The following TENM2 variants were observed in gnomAD, a reference collection of about 807,000 sequenced individuals.
TENM2 encodes the protein teneurin-2.
In TENM2, 52 loss-of-function variants were observed where a neutral mutation model predicts 245.2. That is an observed-to-expected ratio of 0.21 (90% CI 0.17 to 0.27). TENM2 has a LOEUF of 0.27. TENM2 is among the 10% of genes least tolerant of loss of function. TENM2 has a pLI of 1.00. For synonymous variants in TENM2, 1,363 were observed against 1,438.9 expected (o/e 0.95, Z 1.19); for missense variants, 3,046 against 3,666.8 (o/e 0.83, Z 4.37).
chr5:167,168,565 G>A, the TENM2 span, among the ~76,000 whole-genome samples: 7 of 152,100 alleles, frequency 4.6e-5, no homozygotes, highest in African/African-American at 1.7e-4. Flanking sequence ...AAAAGAAATT[G>A]TTCAACAGAA....
chr5:167,580,406 A>G (rs1406784435), intron 2 of TENM2, among the ~76,000 whole-genome samples: 1 of 152,220 alleles, frequency 6.6e-6, no homozygotes, highest in African/African-American at 2.4e-5. Flanking sequence ...TGTTGAGAAC[A>G]GCATATATGG....
chr5:167,722,675 G>A (rs370815006), intron 2 of TENM2, among the ~76,000 whole-genome samples: 1 of 152,116 alleles, frequency 6.6e-6, no homozygotes, highest in Non-Finnish European at 1.5e-5. Flanking sequence ...TAGGCAGGCA[G>A]CTGAGGCAGG....
intron 2 of TENM2, among the ~76,000 whole-genome samples, chr5:167,461,588 G>T (rs1766293898): frequency 6.6e-6 from 1 of 152,086 alleles, no homozygotes. Flanking sequence ...CCCGAACTTG[G>T]GTTATTTAGC....
At chr5:167,813,665 TCA>T (rs1171363505) in intron 2 of TENM2, among the ~76,000 whole-genome samples, 1 of 152,096 alleles carries the variant, frequency 6.6e-6, no homozygotes, top group Non-Finnish European at 1.5e-5. Flanking sequence ...GCCTGAGCAA[TCA>T]CAGTTCCAAC....
At chr5:167,131,515 C>CT in the TENM2 span, among the ~76,000 whole-genome samples, 4 of 152,062 alleles carry the variant, frequency 2.6e-5, no homozygotes, top group African/African-American at 7.2e-5. Flanking sequence ...CTCTGTTGTA[C>CT]TATACTGTAG....
chr5:168,255,011 C>T (rs895439480), intron 27 of TENM2, among the ~76,000 whole-genome samples: 2 of 151,374 alleles, frequency 1.3e-5, no homozygotes, highest in South Asian at 2.1e-4. Context: ...CACACCACTG[C>T]ACTCCAGCCT....
In TENM2 at chr5:167,942,941, C is replaced by T. The variant is rs540468786; in HGVS notation, c.713-9647C>T. ...TCTTGGGTAATTACTTGTGTGGGTG[C>T]GTACGTGTGTGTATGTGTGTGCATT... is the stretch of plus-strand genomic sequence containing the variant. On this transcript the variant is annotated intron_variant, in intron 3 of 28. Coordinates refer to ENST00000518659, the Ensembl canonical transcript of TENM2. 1.7e-4 allele frequency among the ~76,000 whole-genome samples: 26 copies of T among 152,176 alleles called. 1 individual carries two copies. The highest frequency in any genetic ancestry group is 4.8e-4 in the African/African-American group (20 of 41,530).
chr5:167,627,210 G>T (rs1372757919), intron 2 of TENM2, among the ~76,000 whole-genome samples: 1 of 152,150 alleles, frequency 6.6e-6, no homozygotes, highest in African/African-American at 2.4e-5. Context: ...TGAATTCAGT[G>T]CAATTACCCT....
At chr5:167,186,330 C>T in the TENM2 span, among the ~76,000 whole-genome samples, 9 of 152,128 alleles carry the variant, frequency 5.9e-5, no homozygotes, top group Admixed American at 4.6e-4. Flanking sequence ...GAAAGATGTA[C>T]TTCTGACCTT....
intron 20 of TENM2, among the ~76,000 whole-genome samples, chr5:168,212,832 G>A (rs1156820714): frequency 1.3e-5 from 2 of 152,260 alleles, no homozygotes; most frequent in South Asian, 2.1e-4. Flanking sequence ...TCCCTCTGAC[G>A]TGAGTTTCTC....
intron 2 of TENM2, among the ~76,000 whole-genome samples, chr5:167,834,382 T>C (rs1768781759): frequency 6.6e-6 from 1 of 152,224 alleles, no homozygotes; most frequent in South Asian, 2.1e-4. Flanking sequence ...TGGTAGACTG[T>C]AGATGCCTTC....
chr5:168,122,560 A>C (rs570417092), intron 10 of TENM2, among the ~76,000 whole-genome samples: 1 of 152,292 alleles, frequency 6.6e-6, no homozygotes, highest in South Asian at 2.1e-4. Flanking sequence ...AGCAAATCTG[A>C]AGGTATCAAA....
At chr5:167,451,783 G>A (rs1765601565) in intron 2 of TENM2, among the ~76,000 whole-genome samples, 1 of 152,000 alleles carries the variant, frequency 6.6e-6, no homozygotes, top group Non-Finnish European at 1.5e-5. Flanking sequence ...CAAGTAGCTG[G>A]GACTACAGGT....
chr5:168,069,475 T>A (rs148892905), intron 7 of TENM2, among the ~76,000 whole-genome samples: 1 of 152,330 alleles, frequency 6.6e-6, no homozygotes, highest in East Asian at 1.9e-4. Flanking sequence ...AAAAATGTCC[T>A]GCACTCAGAG....
At chr5:168,175,411 T>C (rs1390395333) in intron 13 of TENM2, among the ~76,000 whole-genome samples, 1 of 152,226 alleles carries the variant, frequency 6.6e-6, no homozygotes, top group Non-Finnish European at 1.5e-5. Flanking sequence ...CCACTGGCTC[T>C]GGAATGAGTG....
the TENM2 span, among the ~76,000 whole-genome samples, chr5:167,104,458 A>G: frequency 6.6e-6 from 1 of 152,358 alleles, no homozygotes; most frequent in Non-Finnish European, 1.5e-5. Context: ...AATGAGGGCA[A>G]ATATGGAAAG....
At chr5:168,079,103 T>C (rs9765656) in intron 7 of TENM2, among the ~76,000 whole-genome samples, 50,409 of 147,674 alleles carry the variant, frequency 0.34, 7,140 homozygotes, top group East Asian at 0.53. Context: ...TCTTTTATTT[T>C]GTTGAGCAGT....
At chr5:167,725,830 C>G (rs1184324478) in intron 2 of TENM2, among the ~76,000 whole-genome samples, 1 of 152,104 alleles carries the variant, frequency 6.6e-6, no homozygotes, top group Non-Finnish European at 1.5e-5. Flanking sequence ...TTTGCCTTGT[C>G]CCTTTTGCCT....
chr5:168,036,146 C>T (rs962279028), intron 5 of TENM2, among the ~76,000 whole-genome samples: 7 of 152,214 alleles, frequency 4.6e-5, no homozygotes, highest in East Asian at 1.9e-4. Context: ...AGTTAGGATC[C>T]GGCATGGGAT....
Sources: gnomAD v4.1 joint callset for allele counts (sites outside exome capture counted in the v4.1 genomes callset) on GRCh38, gnomAD v4.1.1 for gene constraint, MANE v1.5 for transcripts, NCBI Gene and HGNC (gene_info 2026-07-23, HGNC 2026-07-21) for gene names.